The following POU2F1 variants were observed in gnomAD, a reference collection of about 807,000 sequenced individuals.
POU2F1 encodes POU class 2 homeobox 1, also known as POU domain, class 2, transcription factor 1.
A neutral mutation model predicts 84.9 loss-of-function variants in POU2F1; 16 were observed. That is an observed-to-expected ratio of 0.19 (90% confidence interval 0.13 to 0.29). The LOEUF (loss-of-function observed/expected upper bound fraction) is 0.29, where lower values mean the gene tolerates loss of function less well. Ranked by LOEUF, POU2F1 falls within the 10% of genes least tolerant of loss-of-function variation. The pLI is 1.00. For synonymous variants in POU2F1, 368 were observed against 368.3 expected, an observed-to-expected ratio of 1.00 and a Z score of 0.01; for missense variants, 738 against 942.6, an observed-to-expected ratio of 0.78 and a Z score of 2.84.
chr1:167,290,161 C>CG (rs1460147814), intron 1 of POU2F1, among the ~76,000 whole-genome samples: 1 of 151,952 alleles, frequency 6.6e-6, no homozygotes, highest in Non-Finnish European at 1.5e-5. Context: ...CAGGCAGAGG[C>CG]GGGTGGATCA....
chr1:167,330,277 T>G (rs1656994239), intron 1 of POU2F1, among the ~76,000 whole-genome samples: 1 of 152,178 alleles, frequency 6.6e-6, no homozygotes, highest in African/African-American at 2.4e-5. Flanking sequence ...TCCTGTCACC[T>G]TCATAGTTGC....
At position 167,306,929 on chromosome 1, in the gene POU2F1, C is replaced by T. The variant is rs556999943; in HGVS notation, c.62-25541C>T. On this transcript the variant is annotated intron_variant, in intron 1 of 15. Coordinates refer to ENST00000367866, the MANE Select transcript of POU2F1 (RefSeq NM_002697.4). ...TTTTTGGGGAAGACACAGTTCAATC[C>T]GTAACAGATGTTAAGTCCTTTCCTC... Among the ~76,000 whole-genome samples the T allele has an allele frequency of 8.5e-5, 13 of 152,244 alleles. 1 individual carries two copies. In the Middle Eastern group the frequency reaches 0.01, roughly 120 times the overall value.
At chr1:167,336,699 A>G (rs937274924) in intron 2 of POU2F1, among the ~76,000 whole-genome samples, 3 of 152,222 alleles carry the variant, frequency 2.0e-5, no homozygotes, top group African/African-American at 7.2e-5. Context: ...GCAGACATGA[A>G]AAACTTGAAC....
At chr1:167,228,858 T>C (rs1236391269) in intron 1 of POU2F1, among the ~76,000 whole-genome samples, 1 of 152,212 alleles carries the variant, frequency 6.6e-6, no homozygotes, top group Non-Finnish European at 1.5e-5. Flanking sequence ...TGATAATGTC[T>C]GTATTTTTAT....
At chr1:167,234,552 C>T (rs1158576034) in intron 1 of POU2F1, among the ~76,000 whole-genome samples, 1 of 152,050 alleles carries the variant, frequency 6.6e-6, no homozygotes, top group Non-Finnish European at 1.5e-5. Flanking sequence ...GGCAACATAG[C>T]GAGACCTTCT....
At chr1:167,389,542 A>G (rs1648234757) in intron 8 of POU2F1, 46 bp from the exon 9 acceptor site, 2 of 1,605,660 alleles carry the variant, frequency 1.2e-6, no homozygotes, top group South Asian at 2.2e-5. Context: ...AAACCTAAAT[A>G]TCTCTTCACG....
At chr1:167,223,856 G>A (rs1270828185) in intron 1 of POU2F1, among the ~76,000 whole-genome samples, 1 of 152,122 alleles carries the variant, frequency 6.6e-6, no homozygotes, top group Non-Finnish European at 1.5e-5. Context: ...ATATGTTTTT[G>A]CACCCGATTC....
At chr1:167,267,938 G>T (rs1652097638) in intron 1 of POU2F1, among the ~76,000 whole-genome samples, 1 of 152,008 alleles carries the variant, frequency 6.6e-6, no homozygotes, top group Non-Finnish European at 1.5e-5. Flanking sequence ...ACCGTGCCCG[G>T]CCTACTGTGT....
intron 13 of POU2F1, among the ~76,000 whole-genome samples, chr1:167,405,578 C>T (rs1649515974): frequency 6.6e-6 from 1 of 151,704 alleles, no homozygotes; most frequent in African/African-American, 2.4e-5. Flanking sequence ...GTCCTAGCTG[C>T]TCGGGAGGCT....
chr1:167,227,519 G>T (rs916831784), intron 1 of POU2F1, among the ~76,000 whole-genome samples: 1 of 152,168 alleles, frequency 6.6e-6, no homozygotes, highest in East Asian at 1.9e-4. Flanking sequence ...ATGGAAAAGT[G>T]ACTTAGGTGT....
Position 167,423,283 on chromosome 1 carries a change from T to C in POU2F1, c.*7473T>C, listed in dbSNP as rs1277641727. 5.3e-5 allele frequency: 8 copies of C among 152,226 alleles called. No individual in the cohort carries two copies. Among genetic ancestry groups the C allele is most frequent in the Non-Finnish European group, 7.3e-5 (5 of 68,046 alleles). 9.4% of individuals were successfully genotyped at this position (152,226 alleles called of 1,614,324 possible). A position where few individuals can be genotyped will look rare whatever the true frequency, so the allele number is the denominator to read the frequency against. ...GTTCATTGTTTCGGTGTACTATTGA[T>C]AGGACACAGAAAGGGAGAGAGGGTA... On this transcript the variant is annotated 3_prime_UTR_variant, in exon 16 of 16. Transcript: ENST00000367866.
chr1:167,242,492 C>A (rs1649985474), intron 1 of POU2F1, among the ~76,000 whole-genome samples: 1 of 152,148 alleles, frequency 6.6e-6, no homozygotes, highest in Non-Finnish European at 1.5e-5. Flanking sequence ...GCTTTCTTAC[C>A]ATGGTGACGC....
chr1:167,317,816 A>G (rs1009750152), intron 1 of POU2F1, among the ~76,000 whole-genome samples: 6 of 152,192 alleles, frequency 3.9e-5, no homozygotes, highest in African/African-American at 1.4e-4. Flanking sequence ...GAGCCTGTCT[A>G]TGGCCAGATT....
intron 13 of POU2F1, among the ~76,000 whole-genome samples, chr1:167,408,345 C>T (rs1032866967): frequency 1.3e-5 from 2 of 152,104 alleles, no homozygotes; most frequent in African/African-American, 4.8e-5. Flanking sequence ...ATAAATTTAC[C>T]GTCCTACCCA....
At chr1:167,273,601 G>T (rs923238688) in intron 1 of POU2F1, among the ~76,000 whole-genome samples, 6 of 152,250 alleles carry the variant, frequency 3.9e-5, no homozygotes, top group African/African-American at 1.4e-4. Context: ...AGCCTGAGAC[G>T]TATCTGGGCC....
intron 1 of POU2F1, among the ~76,000 whole-genome samples, chr1:167,231,467 G>A (rs571553858): frequency 2.5e-4 from 38 of 152,114 alleles, no homozygotes; most frequent in Admixed American, 3.9e-4. Context: ...ATTAGAATGC[G>A]AATGAACAAA....
chr1:167,242,556 T>G (rs1649991259), intron 1 of POU2F1, among the ~76,000 whole-genome samples: 2 of 152,226 alleles, frequency 1.3e-5, no homozygotes, highest in South Asian at 4.1e-4. Context: ...GCTATAGAAT[T>G]GACAAGATTT....
intron 1 of POU2F1, among the ~76,000 whole-genome samples, chr1:167,292,276 A>G (rs540023179): frequency 6.6e-6 from 1 of 152,222 alleles, no homozygotes; most frequent in East Asian, 1.9e-4. Context: ...TGATTTAGCT[A>G]AAATTTACCC....
intron 1 of POU2F1, among the ~76,000 whole-genome samples, chr1:167,264,883 C>T (rs551149461): frequency 6.6e-6 from 1 of 152,216 alleles, no homozygotes; most frequent in African/African-American, 2.4e-5. Context: ...AGTAAATCTC[C>T]GAGACATGCT....
Sources: gnomAD v4.1 joint callset for allele counts (sites outside exome capture counted in the v4.1 genomes callset) on GRCh38, gnomAD v4.1.1 for gene constraint, MANE v1.5 for transcripts, NCBI Gene and HGNC (gene_info 2026-07-23, HGNC 2026-07-21) for gene names.